The following DLG2 variants were observed in gnomAD, a reference collection of about 807,000 sequenced individuals.
DLG2 encodes the protein disks large homolog 2.
A neutral mutation model predicts 132.5 loss-of-function variants in DLG2; 45 were observed. The ratio of observed to expected loss-of-function variants is 0.34; its 90% CI spans 0.27 to 0.44. The LOEUF is 0.44. DLG2 is among the 20% of genes least tolerant of loss of function. The pLI, the probability that DLG2 is intolerant of heterozygous loss-of-function variation, is 1.00. For missense variants in DLG2, 1,045 were observed against 1,196.9 expected, an observed-to-expected ratio of 0.87 and a Z score of 1.87; for synonymous variants, 424 against 419.6, an observed-to-expected ratio of 1.01 and a Z score of -0.13.
chr11:84,936,623 A>C (rs2048779586), intron 6 of DLG2: 1 of 152,192 alleles, frequency 6.6e-6, no homozygotes, highest in Non-Finnish European at 1.5e-5. Context: ...CTAAATATCA[A>C]AATACTGGCA....
At chr11:83,517,483 G>A (rs1040969874) in intron 21 of DLG2, among the ~76,000 whole-genome samples, 16 of 152,218 alleles carry the variant, frequency 1.1e-4, no homozygotes, top group East Asian at 5.8e-4. Flanking sequence ...TCTTTAGCTC[G>A]GAGTAGTTTG....
intron 6 of DLG2, among the ~76,000 whole-genome samples, chr11:84,693,100 G>C (rs914756032): frequency 3.3e-5 from 5 of 151,654 alleles, no homozygotes; most frequent in Admixed American, 6.6e-5. Flanking sequence ...TTCTCAAATG[G>C]TCTGTGAATC....
At chr11:84,003,922 A>G (rs2094464924) in intron 11 of DLG2, among the ~76,000 whole-genome samples, 1 of 152,156 alleles carries the variant, frequency 6.6e-6, no homozygotes, top group Non-Finnish European at 1.5e-5. Flanking sequence ...ACAGACCAAT[A>G]TTAAGTAGGA....
intron 9 of DLG2, among the ~76,000 whole-genome samples, chr11:84,121,410 A>G (rs1312667820): frequency 2.6e-5 from 4 of 152,170 alleles, no homozygotes; most frequent in Non-Finnish European, 5.9e-5. Context: ...CACTTAAGCA[A>G]TGGGTCCACA....
chr11:84,744,022 C>T (rs2065038171), intron 6 of DLG2, among the ~76,000 whole-genome samples: 1 of 152,120 alleles, frequency 6.6e-6, no homozygotes, highest in Non-Finnish European at 1.5e-5. Flanking sequence ...CCGTGCCCGG[C>T]CGGAAACAGA....
chr11:84,735,016 G>C (rs1395593649), intron 6 of DLG2, among the ~76,000 whole-genome samples: 1 of 152,082 alleles, frequency 6.6e-6, no homozygotes, highest in Admixed American at 6.6e-5. Context: ...TAAGCTTTTT[G>C]ATGTGTTGCT....
intron 3 of DLG2, among the ~76,000 whole-genome samples, chr11:85,547,930 C>T (rs1469397653): frequency 3.3e-5 from 5 of 152,130 alleles, no homozygotes; most frequent in Non-Finnish European, 7.4e-5. Context: ...TGGGTTAGAA[C>T]ATGCTCCTTT....
chr11:84,046,340 C>G (rs2096243044), intron 11 of DLG2, among the ~76,000 whole-genome samples: 1 of 151,508 alleles, frequency 6.6e-6, no homozygotes, highest in South Asian at 2.1e-4. Context: ...TATTTGACAT[C>G]TTAGAATTCT....
intron 18 of DLG2, among the ~76,000 whole-genome samples, chr11:83,644,298 G>A (rs1231317663): frequency 6.6e-6 from 1 of 152,116 alleles, no homozygotes; most frequent in Non-Finnish European, 1.5e-5. Context: ...TGATAAGAAA[G>A]TGAACCAGCC....
intron 8 of DLG2, among the ~76,000 whole-genome samples, chr11:84,177,911 A>G (rs1192435858): frequency 2.0e-5 from 3 of 152,132 alleles, no homozygotes; most frequent in Non-Finnish European, 2.9e-5. Context: ...TCCCCAAAGA[A>G]CAACTTTAAA....
At position 84,125,097 on chromosome 11, in the gene DLG2, G is replaced by C. The variant is rs143881540; in HGVS notation, c.625-26050C>G. Among the ~76,000 whole-genome samples, 4 of 152,122 alleles carry C rather than the reference G, an allele frequency of 2.6e-5. No individual in the cohort carries two copies. The East Asian group carries it at 7.7e-4, about 29-fold the overall frequency. ...ACTCACGACCTCAGGTGATATGCCC[G>C]TCTCGGCCTCCCAAAGTGCTGGGAT... is the stretch of plus-strand genomic sequence containing the variant. On this transcript the variant is annotated intron_variant, in intron 9 of 27. Transcript: ENST00000376104.
intron 6 of DLG2, among the ~76,000 whole-genome samples, chr11:84,896,960 C>T (rs1444569036): frequency 1.3e-5 from 2 of 151,570 alleles, no homozygotes; most frequent in Non-Finnish European, 3.0e-5. Flanking sequence ...TGGCTAAGGA[C>T]TACTGTACAT....
chr11:85,556,987 A>G (rs1209298713), intron 3 of DLG2, among the ~76,000 whole-genome samples: 2 of 151,866 alleles, frequency 1.3e-5, no homozygotes, highest in African/African-American at 4.8e-5. Context: ...GCTCCAAATA[A>G]GAAAATAAGT....
chr11:84,242,377 G>A (rs1325416809), intron 8 of DLG2, among the ~76,000 whole-genome samples: 2 of 151,508 alleles, frequency 1.3e-5, no homozygotes, highest in Non-Finnish European at 1.5e-5. Flanking sequence ...GTTTTGACTT[G>A]GCTTTTAAAA....
At chr11:84,703,883 T>TATATATATATATATATATATAC (rs1555174924) in intron 6 of DLG2, among the ~76,000 whole-genome samples, 1 of 119,924 alleles carries the variant, frequency 8.3e-6, no homozygotes, top group Admixed American at 8.1e-5. Flanking sequence ...TATATATATA[T>TATATATATATATATATATATAC]ACACGTGTGT....
At chr11:84,888,068 A>G (rs1490436115) in intron 6 of DLG2, among the ~76,000 whole-genome samples, 1 of 152,120 alleles carries the variant, frequency 6.6e-6, no homozygotes, top group Non-Finnish European at 1.5e-5. Context: ...TTTCTTATTT[A>G]TCCCTTCTCC....
chr11:85,358,671 T>G (rs533862704), intron 3 of DLG2, among the ~76,000 whole-genome samples: 119 of 152,348 alleles, frequency 7.8e-4, no homozygotes, highest in South Asian at 7.7e-3. Flanking sequence ...CAATAATGTC[T>G]TCTGAACCAG....
chr11:85,041,187 A>C (rs1452288406), intron 6 of DLG2, among the ~76,000 whole-genome samples: 5 of 151,928 alleles, frequency 3.3e-5, no homozygotes, highest in African/African-American at 9.7e-5. Context: ...TGGAGGGTTT[A>C]AATAGCCTTC....
At chr11:85,520,399 T>A (rs1408051808) in intron 3 of DLG2, among the ~76,000 whole-genome samples, 4 of 152,054 alleles carry the variant, frequency 2.6e-5, no homozygotes, top group Non-Finnish European at 1.5e-5. Context: ...GAATCAGTAT[T>A]GTTAAAATAA....
Sources: allele counts gnomAD v4.1 joint callset (sites outside exome capture counted in the v4.1 genomes callset), GRCh38; gene constraint gnomAD v4.1.1; transcripts MANE v1.5; gene names NCBI Gene and HGNC (gene_info 2026-07-23, HGNC 2026-07-21).